MIB1: variants seen among roughly 807,000 people sequenced by gnomAD.
The protein encoded by MIB1 is MIB E3 ubiquitin protein ligase 1.
In MIB1, 278 loss-of-function variants were observed where a neutral mutation model predicts 124.5. That is an observed-to-expected ratio of 2.23 (90% CI 2.02 to 2.47). MIB1 has a LOEUF of 2.47. Ranked by LOEUF, MIB1 falls within the 30% of genes most tolerant of loss-of-function variation. The probability of loss-of-function intolerance (pLI) is 0.00; values close to 1 mark genes in which losing one functional copy is unlikely to be tolerated. For missense variants in MIB1, 957 were observed against 1,254.4 expected, an observed-to-expected ratio of 0.76 and a Z score of 3.58; for synonymous variants, 446 against 429.4, an observed-to-expected ratio of 1.04 and a Z score of -0.48.
rs150116970 is a variant in MIB1 at position 21,849,247 on chromosome 18, C to G, written c.2445C>G (p.Thr815=). 99 of 1,608,690 alleles carry G rather than the reference C, an allele frequency of 6.2e-5. No homozygotes were observed. The African/African-American group carries it at 1.2e-3, about 20-fold the overall frequency. ...SPSMISNDSE[T]LEECMVCSDM... Reference sequence around the variant, plus strand: ...CTATGATTAGTAATGATTCTGAAACCTTAGAAGAGTGTATGGTGTGCTCAG... The same window carrying G: ...CTATGATTAGTAATGATTCTGAAACGTTAGAAGAGTGTATGGTGTGCTCAG... Residue 815 remains threonine (T), a synonymous_variant, in exon 17 of 21, where the codon ACC becomes ACG. Coordinates refer to ENST00000261537, the MANE Select transcript of MIB1 (RefSeq NM_020774.4).
At chr18:21,790,952 C>T (rs1215273199) in intron 6 of MIB1, among the ~76,000 whole-genome samples, 1 of 151,800 alleles carries the variant, frequency 6.6e-6, no homozygotes, top group Non-Finnish European at 1.5e-5. Flanking sequence ...ACCTGTAATC[C>T]CAGCACTTTG....
chr18:21,859,519 GA>G (rs1417432400), intron 20 of MIB1, among the ~76,000 whole-genome samples: 3 of 152,120 alleles, frequency 2.0e-5, no homozygotes, highest in Non-Finnish European at 4.4e-5. Flanking sequence ...CCAGATAAAT[GA>G]ATTTGATTAG....
chr18:21,847,538 C>T (rs1426253959), intron 16 of MIB1, among the ~76,000 whole-genome samples: 2 of 151,974 alleles, frequency 1.3e-5, no homozygotes, highest in African/African-American at 4.8e-5. Flanking sequence ...CTGTGTTGCC[C>T]AGGTTGGGCT....
At chr18:21,860,931 TG>T (rs2042271183) in intron 20 of MIB1, among the ~76,000 whole-genome samples, 1 of 152,050 alleles carries the variant, frequency 6.6e-6, no homozygotes, top group African/African-American at 2.4e-5. Context: ...CCTACCTACT[TG>T]GGGAACTGAG....
intron 13 of MIB1, among the ~76,000 whole-genome samples, chr18:21,839,122 A>C (rs1428771895): frequency 6.6e-6 from 1 of 152,260 alleles, no homozygotes; most frequent in Non-Finnish European, 1.5e-5. Context: ...GAAGTTATCA[A>C]AGAATTATCT....
chr18:21,829,321 T>C (rs2041957444), intron 12 of MIB1: 1 of 287,500 alleles, frequency 3.5e-6, no homozygotes, highest in Non-Finnish European at 6.7e-6. Flanking sequence ...TGTCCTGGTT[T>C]GATTCTTTTT....
At chr18:21,760,432 T>C (rs1302715002) in intron 1 of MIB1, among the ~76,000 whole-genome samples, 2 of 152,338 alleles carry the variant, frequency 1.3e-5, no homozygotes, top group Admixed American at 1.3e-4. Flanking sequence ...ATTTTGGTAG[T>C]GGAATGGGTT....
In MIB1 at chr18:21,788,508, A is replaced by T. The variant is rs1943446399; in HGVS notation, c.909-2866A>T. On this transcript the variant is annotated intron_variant, in intron 6 of 20. Transcript: ENST00000261537. The stretch of plus-strand genomic sequence containing the variant: ...ACATCTATGAAAAACCACAGCTAAC[A>T]TCATCCTTAATGATGAAAGACTGAA... Among the ~76,000 whole-genome samples the T allele has an allele frequency of 2.6e-5, 4 of 152,358 alleles. No homozygotes were observed. In the South Asian group the frequency reaches 8.3e-4, roughly 32 times the overall value.
chr18:21,857,081 C>T, intron 18 of MIB1, 49 bp from the exon 19 acceptor site: 1 of 1,222,268 alleles, frequency 8.2e-7, no homozygotes, highest in Non-Finnish European at 1.2e-6. Flanking sequence ...AGGCAACACT[C>T]CTATTAATGT....
chr18:21,742,030 C>T lies in MIB1; in HGVS notation c.229+218C>T, dbSNP rs771628126. Among the ~76,000 whole-genome samples the T allele has an allele frequency of 8.9e-4, 135 of 152,326 alleles. 1 individual carries two copies. The highest frequency in any genetic ancestry group is 1.6e-3 in the Non-Finnish European group (106 of 68,022). ...CCTCTACCCCCAAGGGAAATGATGG[C>T]AGCACCATCACCGGGATGCTTTCAA... On this transcript the variant is annotated intron_variant, in intron 1 of 20. Transcript: ENST00000261537.
rs529747542 is a variant in MIB1, at chr18:21,726,278, C to T, written n.167+21155C>T. On this transcript the variant is annotated intron_variant and non_coding_transcript_variant, in intron 1 of 20. Coordinates refer to the MIB1 transcript ENST00000578646. Reference sequence around the variant, plus strand: ...TAAAAATTAAAAAAGATTGGCTGGGCGTGGTGGCTCACACCTGTAATCTCA... The same window carrying T: ...TAAAAATTAAAAAAGATTGGCTGGGTGTGGTGGCTCACACCTGTAATCTCA... Among the ~76,000 whole-genome samples, 7 of 151,890 alleles carry T rather than the reference C, an allele frequency of 4.6e-5. No homozygotes were observed. The South Asian group carries it at 1.3e-3, about 27-fold the overall frequency.
At chr18:21,844,973 G>A (rs747777094) in intron 15 of MIB1, among the ~76,000 whole-genome samples, 24 of 151,482 alleles carry the variant, frequency 1.6e-4, no homozygotes, top group Non-Finnish European at 2.9e-4. Context: ...ATATGTGAAT[G>A]CACATATTTT....
At chr18:21,726,099 G>C (rs1288847108) in intron 1 of MIB1, among the ~76,000 whole-genome samples, 1 of 152,134 alleles carries the variant, frequency 6.6e-6, no homozygotes, top group African/African-American at 2.4e-5. Context: ...TGGAAAAGAG[G>C]CTGGGAATGG....
At chr18:21,788,748 A>G (rs766346742) in intron 6 of MIB1, among the ~76,000 whole-genome samples, 9 of 152,248 alleles carry the variant, frequency 5.9e-5, no homozygotes, top group Middle Eastern at 3.2e-3. Flanking sequence ...TATTGTAGCT[A>G]ATAAATGAGT....
At position 21,731,461 on chromosome 18, in the gene MIB1, C is replaced by T. The variant is rs137941790; in HGVS notation, n.167+26338C>T. Reference sequence around the variant, plus strand: ...TACTACAAATAAAGCTGGCCAGGCGCGGTGGCTCATGCCTGTAATCCCAGC... The same window carrying T: ...TACTACAAATAAAGCTGGCCAGGCGTGGTGGCTCATGCCTGTAATCCCAGC... On this transcript the variant is annotated intron_variant and non_coding_transcript_variant, in intron 1 of 20. Transcript: ENST00000578646. 3.6e-3 allele frequency among the ~76,000 whole-genome samples: 542 copies of T among 152,234 alleles called. 2 individuals carry two copies. Among genetic ancestry groups the T allele is most frequent in the African/African-American group, 9.1e-3 (378 of 41,552 alleles).
At chr18:21,852,361 A>T (rs931671003) in intron 17 of MIB1, among the ~76,000 whole-genome samples, 2 of 152,206 alleles carry the variant, frequency 1.3e-5, no homozygotes, top group African/African-American at 4.8e-5. Context: ...GTAGGTGAGT[A>T]GTAGTTACCA....
chr18:21,784,853 C>A (rs2041415969), intron 6 of MIB1, among the ~76,000 whole-genome samples: 1 of 152,112 alleles, frequency 6.6e-6, no homozygotes, highest in African/African-American at 2.4e-5. Flanking sequence ...AGACTCTGCT[C>A]CACCACCTCT....
At chr18:21,830,767 G>A (rs2041971487) in intron 12 of MIB1, 1 of 151,954 alleles carries the variant, frequency 6.6e-6, no homozygotes, top group Non-Finnish European at 1.5e-5. Flanking sequence ...TGAAGGAAGG[G>A]GATGTATCAG....
At chr18:21,820,477 C>T (rs1435243718) in intron 12 of MIB1, among the ~76,000 whole-genome samples, 2 of 152,042 alleles carry the variant, frequency 1.3e-5, no homozygotes, top group Admixed American at 6.6e-5. Flanking sequence ...AGAGGGTGAC[C>T]ACAGGAAACA....
Sources: allele counts gnomAD v4.1 joint callset (sites outside exome capture counted in the v4.1 genomes callset), GRCh38; gene constraint gnomAD v4.1.1; transcripts MANE v1.5; gene names NCBI Gene and HGNC (gene_info 2026-07-23, HGNC 2026-07-21).